Variants in DOCK1 observed in about 807,000 individuals in gnomAD.
DOCK1 encodes dedicator of cytokinesis 1.
DOCK1 carries 138 observed loss-of-function variants against 262.7 expected under a neutral mutation model. The ratio of observed to expected loss-of-function variants is 0.53; its 90% CI spans 0.46 to 0.61. The LOEUF (loss-of-function observed/expected upper bound fraction) is 0.61. Ranked by LOEUF, DOCK1 falls within the 20% of genes least tolerant of loss-of-function variation. DOCK1 has a pLI of 0.00. For missense variants in DOCK1, 1,908 were observed against 2,370.7 expected (o/e 0.80, Z 4.05); for synonymous variants, 866 against 867.4 (o/e 1.00, Z 0.03).
chr10:126,927,071 G>A lies in DOCK1; in HGVS notation c.46+21508G>A, dbSNP rs527760091. ...TTAGTGCTCACTTCAGACCATTGGC[G>A]CCCTGCATCTTGTCTTATCTCCAGT... is the stretch of plus-strand genomic sequence containing the variant. On this transcript the variant is annotated intron_variant, in intron 1 of 51. Coordinates refer to ENST00000623213, the MANE Select transcript of DOCK1 (RefSeq NM_001290223.2). 2.0e-3 allele frequency among the ~76,000 whole-genome samples: 308 copies of A among 152,274 alleles called. 1 individual carries two copies. The highest frequency in any genetic ancestry group is 7.1e-3 in the African/African-American group (297 of 41,554).
chr10:127,378,174 C>T (rs866832885), intron 35 of DOCK1, among the ~76,000 whole-genome samples: 2 of 141,490 alleles, frequency 1.4e-5, no homozygotes, highest in Non-Finnish European at 3.1e-5. Context: ...TTACTTTGCA[C>T]ATGCCAGTTA....
intron 27 of DOCK1, among the ~76,000 whole-genome samples, chr10:127,182,767 C>T (rs972740023): frequency 2.6e-5 from 4 of 152,050 alleles, no homozygotes; most frequent in Non-Finnish European, 5.9e-5. Context: ...AACTAATTTC[C>T]CTGCCTCCCT....
intron 1 of DOCK1, among the ~76,000 whole-genome samples, chr10:126,946,462 G>A (rs2035414586): frequency 1.3e-5 from 2 of 152,106 alleles, no homozygotes; most frequent in South Asian, 2.1e-4. Context: ...CAGGAGAATC[G>A]CTTGACCCGG....
chr10:127,175,174 C>A lies in DOCK1; in HGVS notation c.2847+47410C>A. 6.5e-7 allele frequency: 1 copy of A among 1,540,032 alleles called. No individual in the cohort carries two copies. The highest frequency in any genetic ancestry group is 1.2e-5 in the South Asian group (1 of 82,158). On this transcript the variant is annotated intron_variant, in intron 27 of 51. Transcript: ENST00000623213. This position sits in a 1 kb window ranked among gnomAD's most constrained non-coding sequence, Gnocchi z 6.3. Reference sequence around the variant, plus strand: ...TACAGATGGACTCTGTGGTGATCAGCCTGCATAGCTTCCTAAGACATGGGT... The same window carrying A: ...TACAGATGGACTCTGTGGTGATCAGACTGCATAGCTTCCTAAGACATGGGT...
chr10:126,973,808 C>T (rs368955979), intron 2 of DOCK1, among the ~76,000 whole-genome samples: 1 of 152,160 alleles, frequency 6.6e-6, no homozygotes. Flanking sequence ...GTATTAGAGT[C>T]TGGCATTTTC....
chr10:127,228,278 C>T (rs1192606907), intron 27 of DOCK1, among the ~76,000 whole-genome samples: 2 of 152,282 alleles, frequency 1.3e-5, no homozygotes, highest in Middle Eastern at 3.4e-3. Flanking sequence ...CCTCGTTCCT[C>T]ATGGAATTTA....
chr10:126,921,160 A>G (rs1196684482), intron 1 of DOCK1, among the ~76,000 whole-genome samples: 3 of 149,632 alleles, frequency 2.0e-5, no homozygotes, highest in African/African-American at 4.9e-5. Context: ...AGGTCGCACC[A>G]TTGCACTCCA....
At chr10:127,430,405 A>G (rs1001618327) in intron 47 of DOCK1, among the ~76,000 whole-genome samples, 5 of 152,342 alleles carry the variant, frequency 3.3e-5, no homozygotes, top group Non-Finnish European at 5.9e-5. Flanking sequence ...AGCTTCACCT[A>G]TTCCTTGTGC....
rs907933523 is a variant in DOCK1 at position 127,127,592 on chromosome 10, G to A, written c.2752-77G>A. 39 of 1,168,458 alleles carry A rather than the reference G, an allele frequency of 3.3e-5. No homozygotes were observed. The South Asian group carries it at 5.3e-4, about 16-fold the overall frequency. The allele number at this position is 1,168,458 out of a possible 1,614,324, so 72.4% of individuals were successfully genotyped here. ...TTGATTTACTCTTTACAGGGTAAAT[G>A]GATTCAATGACAACCACTGGGGCTT... On this transcript the variant is annotated intron_variant, in intron 26 of 51. Transcript: ENST00000623213.
chr10:127,032,401 G>A, intron 18 of DOCK1, 81 bp downstream of exon 18: 1 of 1,415,152 alleles, frequency 7.1e-7, no homozygotes, highest in Non-Finnish European at 9.3e-7. Context: ...CTATGTGGAG[G>A]TGTGCTCCGT....
rs975580579 is a variant in DOCK1 at position 127,042,785 on chromosome 10, A to C, written c.2100+71A>C. 8 of 1,511,142 alleles carry C rather than the reference A, an allele frequency of 5.3e-6. No homozygotes were observed. In the African/African-American group the frequency reaches 1.1e-4, roughly 21 times the overall value. 93.6% of individuals were successfully genotyped at this position (1,511,142 alleles called of 1,614,324 possible). A position where few individuals can be genotyped will look rare whatever the true frequency, so the allele number is the denominator to read the frequency against. ...TCCATGCTGCAGCGTCTGAGGCTGG[A>C]GTCGGGGGCTTCGTCACAGTGACCT... On this transcript the variant is annotated intron_variant, in intron 20 of 51. Transcript: ENST00000623213.
At chr10:126,967,798 C>T (rs1422983552) in intron 1 of DOCK1, among the ~76,000 whole-genome samples, 2 of 152,130 alleles carry the variant, frequency 1.3e-5, no homozygotes, top group African/African-American at 4.8e-5. Flanking sequence ...GATTAACGCT[C>T]ATCTCAAGAT....
At chr10:127,407,180 G>C (rs2067565970) in intron 40 of DOCK1, among the ~76,000 whole-genome samples, 3 of 152,128 alleles carry the variant, frequency 2.0e-5, no homozygotes, top group Admixed American at 1.3e-4. Context: ...GGCAAGGGAA[G>C]GGGACTGTCT....
At chr10:127,296,156 G>A (rs2061497439) in intron 29 of DOCK1, among the ~76,000 whole-genome samples, 1 of 152,148 alleles carries the variant, frequency 6.6e-6, no homozygotes, top group African/African-American at 2.4e-5. Context: ...AAAAGATGGA[G>A]CATTACCTCT....
intron 1 of DOCK1, among the ~76,000 whole-genome samples, chr10:126,924,424 A>C (rs554790479): frequency 4.7e-4 from 59 of 125,534 alleles, no homozygotes; most frequent in Middle Eastern, 4.3e-3. Context: ...CAGTAGGGGG[A>C]GGCTGTGAGT....
intron 29 of DOCK1, among the ~76,000 whole-genome samples, chr10:127,288,670 A>T (rs2061242801): frequency 6.6e-6 from 1 of 151,692 alleles, no homozygotes; most frequent in Non-Finnish European, 1.5e-5. Context: ...AATGACACAA[A>T]CATGATGTCT....
At chr10:127,438,141 ACT>A (rs1215836977) in intron 48 of DOCK1, among the ~76,000 whole-genome samples, 1 of 152,088 alleles carries the variant, frequency 6.6e-6, no homozygotes, top group Non-Finnish European at 1.5e-5. Flanking sequence ...TAGGGATGAG[ACT>A]CCAGTCTTAG....
intron 25 of DOCK1, among the ~76,000 whole-genome samples, chr10:127,114,724 C>T (rs1476313139): frequency 6.6e-6 from 1 of 151,596 alleles, no homozygotes; most frequent in Non-Finnish European, 1.5e-5. Flanking sequence ...CACTCAGCTC[C>T]ACAAATTATC....
At chr10:126,922,369 A>G (rs2033290207) in intron 1 of DOCK1, among the ~76,000 whole-genome samples, 1 of 152,254 alleles carries the variant, frequency 6.6e-6, no homozygotes, top group Middle Eastern at 3.4e-3. Flanking sequence ...TCACAGGACA[A>G]GAGCAGGAGC....
Sources: allele counts gnomAD v4.1 joint callset (sites outside exome capture counted in the v4.1 genomes callset), GRCh38; gene constraint gnomAD v4.1.1; non-coding constraint Gnocchi (gnomAD v3.1); transcripts MANE v1.5; gene names NCBI Gene and HGNC (gene_info 2026-07-23, HGNC 2026-07-21).